The following AUTS2 variants were observed in gnomAD, a reference collection of about 807,000 sequenced individuals.
AUTS2 encodes autism susceptibility gene 2 protein.
A neutral mutation model predicts 112.4 loss-of-function variants in AUTS2; 17 were observed. The ratio of observed to expected loss-of-function variants is 0.15; its 90% CI spans 0.10 to 0.23. AUTS2 has a LOEUF of 0.23. AUTS2 is among the 10% of genes least tolerant of loss of function. The pLI is 1.00. For missense variants in AUTS2, 1,510 were observed against 1,701.6 expected (o/e 0.89, Z 1.98); for synonymous variants, 751 against 702.7 (o/e 1.07, Z -1.09).
At chr7:70,034,914 C>A (rs556842984) in intron 2 of AUTS2, among the ~76,000 whole-genome samples, 8 of 152,202 alleles carry the variant, frequency 5.3e-5, no homozygotes, top group African/African-American at 1.9e-4. Flanking sequence ...TCAGTACAGC[C>A]TGGAATTTTT....
rs144819740 is a variant in AUTS2 at position 70,614,247 on chromosome 7, C to G, written c.691-84322C>G. Among the ~76,000 whole-genome samples, 417 of 152,314 alleles carry G rather than the reference C, an allele frequency of 2.7e-3. 1 individual carries two copies. The highest frequency in any genetic ancestry group is 3.8e-3 in the Non-Finnish European group (260 of 68,034). On this transcript the variant is annotated intron_variant, in intron 5 of 18. Coordinates refer to ENST00000342771, the MANE Select transcript of AUTS2 (RefSeq NM_015570.4). ...AAATAAGAAATTATCAATTTAATTTCTCAGTCTAATGAACTGGTCTTATAC... is the reference window on the plus strand; with the variant it reads ...AAATAAGAAATTATCAATTTAATTTGTCAGTCTAATGAACTGGTCTTATAC...
Position 69,962,328 on chromosome 7 carries a change from A to G in AUTS2, c.522+62830A>G, listed in dbSNP as rs1180837036. On this transcript the variant is annotated intron_variant, in intron 2 of 18. Coordinates refer to ENST00000342771, the MANE Select transcript of AUTS2 (RefSeq NM_015570.4). ...GCTAGGCCCTGTACCTCTTAGGAGC[A>G]GAGAAGAGGTCAGATGCAGATAATA... 2.0e-5 allele frequency among the ~76,000 whole-genome samples: 3 copies of G among 152,272 alleles called. No homozygotes were observed. In the East Asian group the frequency reaches 5.8e-4, roughly 29 times the overall value.
At chr7:70,422,835 T>G (rs540533315) in intron 4 of AUTS2, among the ~76,000 whole-genome samples, 1 of 152,272 alleles carries the variant, frequency 6.6e-6, no homozygotes, top group African/African-American at 2.4e-5. Context: ...TACCACACTT[T>G]CAGATCTTTT....
At chr7:69,851,530 G>A (rs895689475) in intron 1 of AUTS2, among the ~76,000 whole-genome samples, 3 of 152,182 alleles carry the variant, frequency 2.0e-5, no homozygotes, top group Non-Finnish European at 4.4e-5. Context: ...GATTACAGGC[G>A]TAAGCCACTG....
At chr7:70,708,445 A>G (rs968392338) in intron 6 of AUTS2, among the ~76,000 whole-genome samples, 1 of 152,228 alleles carries the variant, frequency 6.6e-6, no homozygotes, top group Non-Finnish European at 1.5e-5. Context: ...TTTCATTCAC[A>G]TATTATTGAG....
intron 1 of AUTS2, among the ~76,000 whole-genome samples, chr7:69,602,984 A>G (rs1448101289): frequency 2.6e-5 from 4 of 152,238 alleles, no homozygotes; most frequent in African/African-American, 9.6e-5. Flanking sequence ...GCTTATTGGG[A>G]ACAGGCAACT....
intron 4 of AUTS2, among the ~76,000 whole-genome samples, chr7:70,421,964 T>C (rs1306284416): frequency 6.6e-6 from 1 of 152,230 alleles, no homozygotes; most frequent in Non-Finnish European, 1.5e-5. Flanking sequence ...GTTTATGATA[T>C]AGAAGACTAG....
intron 14 of AUTS2, among the ~76,000 whole-genome samples, chr7:70,779,778 C>T (rs1790947059): frequency 6.6e-6 from 1 of 152,034 alleles, no homozygotes; most frequent in Admixed American, 6.5e-5. Flanking sequence ...TCCTCTAATC[C>T]AAGCACTTTG....
chr7:70,284,006 C>T (rs1204238897), intron 4 of AUTS2, among the ~76,000 whole-genome samples: 1 of 152,066 alleles, frequency 6.6e-6, no homozygotes, highest in Non-Finnish European at 1.5e-5. Flanking sequence ...TGGATGGTGT[C>T]TCTCATCTTG....
intron 5 of AUTS2, among the ~76,000 whole-genome samples, chr7:70,466,241 T>C (rs1797162545): frequency 6.6e-6 from 1 of 152,060 alleles, no homozygotes; most frequent in South Asian, 2.1e-4. Context: ...ATGGAAGAAA[T>C]TGTTATGTCA....
chr7:69,799,023 T>A (rs1235994297), intron 1 of AUTS2, among the ~76,000 whole-genome samples: 2 of 151,458 alleles, frequency 1.3e-5, no homozygotes, highest in Non-Finnish European at 2.9e-5. Context: ...AGTACACACA[T>A]ACACACCCCT....
chr7:70,541,259 T>C (rs1800541584), intron 5 of AUTS2, among the ~76,000 whole-genome samples: 1 of 152,182 alleles, frequency 6.6e-6, no homozygotes. Flanking sequence ...CTGTTTGTTC[T>C]GAGCTCTGAG....
chr7:70,046,859 G>A (rs1801529756), intron 2 of AUTS2, among the ~76,000 whole-genome samples: 1 of 152,144 alleles, frequency 6.6e-6, no homozygotes, highest in South Asian at 2.1e-4. Flanking sequence ...GAGTGGTGGT[G>A]CTATATTGTC....
chr7:70,732,863 A>T (rs1320436573), intron 6 of AUTS2, among the ~76,000 whole-genome samples: 4 of 152,192 alleles, frequency 2.6e-5, no homozygotes, highest in African/African-American at 9.7e-5. Context: ...TGTTTATTGT[A>T]GTTATCTGGC....
At chr7:69,687,459 T>C (rs537508072) in intron 1 of AUTS2, among the ~76,000 whole-genome samples, 134 of 152,340 alleles carry the variant, frequency 8.8e-4, no homozygotes, top group African/African-American at 3.1e-3. Flanking sequence ...AACTTGCTGA[T>C]ATTAATTTAT....
At chr7:70,120,770 C>T (rs1457598791) in intron 3 of AUTS2, among the ~76,000 whole-genome samples, 3 of 152,178 alleles carry the variant, frequency 2.0e-5, no homozygotes, top group African/African-American at 7.2e-5. Context: ...GATGTCAGTA[C>T]TACCCTAAGC....
intron 17 of AUTS2, 33 bp from the exon 18 acceptor site, chr7:70,787,176 T>A: frequency 6.2e-7 from 1 of 1,607,040 alleles, no homozygotes; most frequent in Non-Finnish European, 8.5e-7. Flanking sequence ...TAATTTCTCT[T>A]AAACCTTTTT....
intron 1 of AUTS2, among the ~76,000 whole-genome samples, chr7:69,743,355 A>G (rs891258413): frequency 1.3e-5 from 2 of 152,124 alleles, no homozygotes; most frequent in African/African-American, 4.8e-5. Context: ...TCTGTACCAT[A>G]TTGTTGACTT....
intron 5 of AUTS2, among the ~76,000 whole-genome samples, chr7:70,500,824 C>T (rs1433666521): frequency 6.6e-6 from 1 of 151,902 alleles, no homozygotes; most frequent in South Asian, 2.1e-4. Context: ...CAGGTTCAAG[C>T]GATTCTCCCG....
Sources: allele counts gnomAD v4.1 joint callset (sites outside exome capture counted in the v4.1 genomes callset), GRCh38; gene constraint gnomAD v4.1.1; transcripts MANE v1.5; gene names NCBI Gene and HGNC (gene_info 2026-07-23, HGNC 2026-07-21).